The following KIF6 variants were observed in gnomAD, a reference collection of about 807,000 sequenced individuals.
The protein encoded by KIF6 is kinesin-like protein KIF6.
In KIF6, 106 loss-of-function variants were observed where a neutral mutation model predicts 112.7. The ratio of observed to expected loss-of-function variants is 0.94; its 90% CI spans 0.80 to 1.11. The LOEUF (loss-of-function observed/expected upper bound fraction) is 1.11. Among genes scored for constraint, KIF6 ranks in the 50% least tolerant of loss-of-function variants. KIF6 has a pLI of 0.00. For missense variants in KIF6, 929 were observed against 964.0 expected, an observed-to-expected ratio of 0.96 and a Z score of 0.48; for synonymous variants, 339 against 339.9, an observed-to-expected ratio of 1.00 and a Z score of 0.03.
Position 39,373,300 on chromosome 6 carries a change from A to G in KIF6, c.1862-10782T>C, listed in dbSNP as rs1256912350. On this transcript the variant is annotated intron_variant, in intron 16 of 22. Coordinates refer to ENST00000287152, the MANE Select transcript of KIF6 (RefSeq NM_145027.6). ...CTTGGATGTGATTGCGTTTTTTTGCAAGAAAGAGTAATCAATGGTGTCTGT... is the reference window on the plus strand; with the variant it reads ...CTTGGATGTGATTGCGTTTTTTTGCGAGAAAGAGTAATCAATGGTGTCTGT... Among the ~76,000 whole-genome samples the G allele has an allele frequency of 3.3e-5, 5 of 152,196 alleles. No individual in the cohort carries two copies. In the East Asian group the frequency reaches 9.6e-4, roughly 29 times the overall value.
At chr6:39,711,277 T>TAAAAAAAAAAAAAAAAAAAAGAAAGA (rs1789540340) in intron 3 of KIF6, among the ~76,000 whole-genome samples, 1 of 72,904 alleles carries the variant, frequency 1.4e-5, no homozygotes, top group Non-Finnish European at 2.7e-5. Context: ...ACCTGGAAAG[T>TAAAAAAAAAAAAAAAAAAAAGAAAGA]AAAAAAAAAA....
At chr6:39,664,237 A>T (rs908986247) in intron 3 of KIF6, among the ~76,000 whole-genome samples, 1 of 152,140 alleles carries the variant, frequency 6.6e-6, no homozygotes, top group African/African-American at 2.4e-5. Flanking sequence ...TAGCGATCCC[A>T]AAGAAGAAAT....
intron 13 of KIF6, among the ~76,000 whole-genome samples, chr6:39,433,631 G>T (rs892109824): frequency 2.0e-5 from 3 of 152,188 alleles, no homozygotes; most frequent in Non-Finnish European, 4.4e-5. Context: ...AAGGCCATCA[G>T]AATGATGGCT....
chr6:39,572,656 AG>A (rs1266185657), intron 10 of KIF6, among the ~76,000 whole-genome samples: 2 of 128,514 alleles, frequency 1.6e-5, no homozygotes, highest in African/African-American at 6.1e-5. Flanking sequence ...AAAGATCTAC[AG>A]GCTTTTTTTT....
At chr6:39,434,515 G>A (rs1771389714) in intron 13 of KIF6, among the ~76,000 whole-genome samples, 1 of 152,088 alleles carries the variant, frequency 6.6e-6, no homozygotes, top group Non-Finnish European at 1.5e-5. Flanking sequence ...AGGTTGCAGT[G>A]AGCCGAGATA....
intron 14 of KIF6, among the ~76,000 whole-genome samples, chr6:39,422,928 C>T (rs372962217): frequency 2.8e-4 from 42 of 152,318 alleles, no homozygotes; most frequent in African/African-American, 8.9e-4. Flanking sequence ...CACCCCTGTA[C>T]GATATCCTAA....
chr6:39,713,606 G>A (rs748446623), intron 3 of KIF6, among the ~76,000 whole-genome samples: 4 of 152,144 alleles, frequency 2.6e-5, no homozygotes, highest in Non-Finnish European at 4.4e-5. Flanking sequence ...TAAAACACAC[G>A]AAACTAGCTA....
chr6:39,565,150 C>T (rs1483032994), intron 10 of KIF6, among the ~76,000 whole-genome samples: 1 of 152,118 alleles, frequency 6.6e-6, no homozygotes, highest in Non-Finnish European at 1.5e-5. Context: ...ATTCTCGAAA[C>T]GTCATTTATT....
At chr6:39,617,663 A>G (rs1188499390) in intron 5 of KIF6, 2 of 453,430 alleles carry the variant, frequency 4.4e-6, no homozygotes, top group South Asian at 1.6e-5. Flanking sequence ...TAACAAAATC[A>G]GCATACTGCA....
chr6:39,524,974 A>C (rs1365777322), intron 13 of KIF6, among the ~76,000 whole-genome samples: 3 of 152,192 alleles, frequency 2.0e-5, no homozygotes, highest in Non-Finnish European at 4.4e-5. Flanking sequence ...GTTCTGACTC[A>C]GGCTTAGTAT....
rs201579567 is a variant in KIF6, at chr6:39,403,246, C to T, written c.1810+16702G>A. The stretch of plus-strand genomic sequence containing the variant: ...TGTGTGCATCATGGGTTTGGACACA[C>T]ACATAGATTTGTGTAGCCACCTTCA... On this transcript the variant is annotated intron_variant, in intron 15 of 22. Coordinates refer to ENST00000287152, the MANE Select transcript of KIF6 (RefSeq NM_145027.6). 9.7e-4 allele frequency among the ~76,000 whole-genome samples: 147 copies of T among 152,212 alleles called. 6 individuals are homozygous for T. In the South Asian group the frequency reaches 0.02, roughly 21 times the overall value.
chr6:39,588,817 C>T (rs903825968), intron 7 of KIF6, among the ~76,000 whole-genome samples: 1 of 152,182 alleles, frequency 6.6e-6, no homozygotes, highest in Non-Finnish European at 1.5e-5. Context: ...ATAAAACTTG[C>T]CAAGAATTGG....
intron 10 of KIF6, among the ~76,000 whole-genome samples, chr6:39,556,165 A>G (rs991506740): frequency 6.6e-6 from 1 of 152,106 alleles, no homozygotes; most frequent in South Asian, 2.1e-4. Flanking sequence ...TAAATTCTAC[A>G]TTTACTTTTT....
chr6:39,722,368 G>C (rs1246301452), intron 1 of KIF6, among the ~76,000 whole-genome samples: 2 of 152,088 alleles, frequency 1.3e-5, no homozygotes, highest in Non-Finnish European at 2.9e-5. Context: ...CTTGTTTAGT[G>C]TAATATTGGC....
rs968703957 is a variant in KIF6, at chr6:39,331,502, A to C, written c.*5030T>G. 1 of 151,896 alleles carries C rather than the reference A, an allele frequency of 6.6e-6. No individual in the cohort carries two copies. Among genetic ancestry groups the C allele is most frequent in the Admixed American group, 6.6e-5 (1 of 15,232 alleles). 9.4% of individuals were successfully genotyped at this position (151,896 alleles called of 1,614,324 possible). ...AGGGTTCAAGTGATTGTCCTGCCTC[A>C]GCCTCCAGAGTAGCTGGGATTACAG... On this transcript the variant is annotated 3_prime_UTR_variant, in exon 23 of 23. Coordinates refer to ENST00000287152, the MANE Select transcript of KIF6 (RefSeq NM_145027.6).
intron 15 of KIF6, among the ~76,000 whole-genome samples, chr6:39,406,747 G>A (rs894495032): frequency 6.6e-6 from 1 of 151,982 alleles, no homozygotes; most frequent in Non-Finnish European, 1.5e-5. Context: ...TGTTTAACCT[G>A]CAAGTATTTG....
chr6:39,630,673 C>T (rs149959370), intron 5 of KIF6, among the ~76,000 whole-genome samples: 3 of 151,936 alleles, frequency 2.0e-5, no homozygotes, highest in East Asian at 1.9e-4. Flanking sequence ...TTTCTTTTTC[C>T]GGTATTATTG....
intron 13 of KIF6, among the ~76,000 whole-genome samples, chr6:39,516,940 G>A (rs960284602): frequency 2.0e-5 from 3 of 152,080 alleles, no homozygotes; most frequent in African/African-American, 7.2e-5. Context: ...TGACTTGGAG[G>A]GGCCCTGGGA....
chr6:39,545,248 TA>T (rs1779003785), intron 11 of KIF6, among the ~76,000 whole-genome samples: 1 of 152,204 alleles, frequency 6.6e-6, no homozygotes, highest in African/African-American at 2.4e-5. Flanking sequence ...TGAAATATCA[TA>T]TGGGTATATC....
Sources: allele counts gnomAD v4.1 joint callset (sites outside exome capture counted in the v4.1 genomes callset), GRCh38; gene constraint gnomAD v4.1.1; transcripts MANE v1.5; gene names NCBI Gene and HGNC (gene_info 2026-07-23, HGNC 2026-07-21).